The following ADAT1 variants were observed in gnomAD, a reference collection of about 807,000 sequenced individuals.
The protein encoded by ADAT1 is tRNA-specific adenosine deaminase 1.
Under a neutral mutation model 58.6 loss-of-function variants are expected in ADAT1, and 58 were observed. The observed-to-expected ratio is 0.99, with a 90% CI of 0.80 to 1.23. The LOEUF is 1.23. Ranked by LOEUF, ADAT1 falls within the 50% of genes most tolerant of loss-of-function variation. The pLI is 0.00. For synonymous variants in ADAT1, 254 were observed against 220.8 expected (o/e 1.15, Z -1.33); for missense variants, 741 against 608.6 (o/e 1.22, Z -2.29).
At position 75,612,850 on chromosome 16, in the gene ADAT1, AG is replaced by A; in HGVS notation, c.435del (p.Ser146ProfsTer26). The A allele has an allele frequency of 6.2e-7, 1 of 1,613,598 alleles. No homozygotes were observed. Among genetic ancestry groups the A allele is most frequent in the Non-Finnish European group, 8.5e-7 (1 of 1,179,780 alleles). On this transcript the variant is annotated frameshift_variant, in exon 6 of 10. Transcript: ENST00000564657. LOFTEE classifies it high-confidence loss of function. ...FFSSHTPCGD[A>X]SIIPMLEFED... is the part of the protein sequence containing the mutation. ...TCAAACTCAAGCATCGGAATGATGG[AG>A]GCATCCCCACCTGCAGAGAATGAAC... is the stretch of plus-strand genomic sequence containing the variant.
At chr16:75,617,693 TCCAC>T (rs2081779727) in intron 4 of ADAT1, among the ~76,000 whole-genome samples, 1 of 151,624 alleles carries the variant, frequency 6.6e-6, no homozygotes, top group Non-Finnish European at 1.5e-5. Flanking sequence ...TTTCTGAGGT[TCCAC>T]CCTAGATATG....
rs548669804 is a variant in ADAT1, at chr16:75,619,325, C to G, written c.239-685G>C. Among the ~76,000 whole-genome samples the G allele has an allele frequency of 2.6e-5, 4 of 152,096 alleles. No homozygotes were observed. In the East Asian group the frequency reaches 7.7e-4, roughly 29 times the overall value. Reference sequence around the variant, plus strand: ...ATAGCTTGAGGCTGGGAGTTTGAGACCAGCCTGGCTAACACAGTGAGACCA... The same window carrying G: ...ATAGCTTGAGGCTGGGAGTTTGAGAGCAGCCTGGCTAACACAGTGAGACCA... On this transcript the variant is annotated intron_variant, in intron 3 of 9. Transcript: ENST00000564657.
intron 4 of ADAT1, 119 bp from the exon 5 acceptor site, chr16:75,617,391 G>C: frequency 9.4e-7 from 1 of 1,064,350 alleles, no homozygotes; most frequent in Non-Finnish European, 1.4e-6. Flanking sequence ...TAGTGATGGG[G>C]AATTATGAGA....
In ADAT1 at chr16:75,620,307, G is replaced by C; in HGVS notation, c.197C>G (p.Thr66Arg). 1 of 1,614,136 alleles carries C rather than the reference G, an allele frequency of 6.2e-7. No individual in the cohort carries two copies. Among genetic ancestry groups the C allele is most frequent in the South Asian group, 1.1e-5 (1 of 91,080 alleles). The change falls in exon 3 of 10, where the codon ACA (threonine) becomes AGA (arginine). Residue 66 changes from threonine to arginine, a missense_variant. Physicochemically the swap from Thr to Arg is moderately conservative, Grantham distance 71. Coordinates refer to ENST00000564657, the MANE Select transcript of ADAT1 (RefSeq NM_001324445.2). ...GGACTGTCCTATGCATTTTGTTCCT[G>C]TTCCCATTGACACAACTTCCTTTGT... ...QVTKEVVSMGTGTKCIGQSKM... is the reference protein window; with the variant it reads ...QVTKEVVSMGRGTKCIGQSKM...
chr16:75,602,344 G>A (rs373708774), intron 9 of ADAT1, among the ~76,000 whole-genome samples: 1 of 152,212 alleles, frequency 6.6e-6, no homozygotes, highest in Non-Finnish European at 1.5e-5. Flanking sequence ...CTGCCTTTGC[G>A]ACCCTCCCAT....
rs758529356 is a variant in ADAT1 at position 75,598,852 on chromosome 16, G to T, written c.*1364C>A. On this transcript the variant is annotated 3_prime_UTR_variant, in exon 10 of 10. Coordinates refer to ENST00000564657, the MANE Select transcript of ADAT1 (RefSeq NM_001324445.2). ...TTTAAAATGTATACTTTAGTTGGGT[G>T]AATTTTATGGTCTGTGAATTATATC... is the stretch of plus-strand genomic sequence containing the variant. 12 of 971,246 alleles carry T rather than the reference G, an allele frequency of 1.2e-5. No individual in the cohort carries two copies. Among genetic ancestry groups the T allele is most frequent in the Non-Finnish European group, 1.3e-5 (11 of 817,390 alleles). The allele number at this position is 971,246 out of a possible 1,614,324, so 60.2% of individuals were successfully genotyped here.
intron 3 of ADAT1, among the ~76,000 whole-genome samples, chr16:75,619,081 T>C (rs2081843364): frequency 6.6e-6 from 1 of 152,192 alleles, no homozygotes; most frequent in African/African-American, 2.4e-5. Flanking sequence ...TGTACAGAAG[T>C]ATCCTACTTG....
At chr16:75,615,235 C>A (rs374871603) in intron 5 of ADAT1, among the ~76,000 whole-genome samples, 65 of 151,198 alleles carry the variant, frequency 4.3e-4, no homozygotes, top group African/African-American at 1.4e-3. Flanking sequence ...CTCTCATTTC[C>A]TTTAAAGTGA....
At chr16:75,618,686 G>A (rs772900926) in intron 3 of ADAT1, 46 bp from the exon 4 acceptor site, 17 of 1,607,240 alleles carry the variant, frequency 1.1e-5, no homozygotes, top group Non-Finnish European at 1.4e-5. Context: ...GGAAGCTGGA[G>A]AGGGTCTGGT....
chr16:75,597,785 A>G lies in ADAT1; in HGVS notation c.*2431T>C, dbSNP rs1046585690. Among the ~76,000 whole-genome samples the G allele has an allele frequency of 2.6e-5, 4 of 152,208 alleles. No individual in the cohort carries two copies. Among genetic ancestry groups the G allele is most frequent in the Non-Finnish European group, 5.9e-5 (4 of 68,040 alleles). Reference sequence around the variant, plus strand: ...CCTAGATCCCTTGCATGCACAGTTCACAATAGGATTCACGCTCCTATGAGA... The same window carrying G: ...CCTAGATCCCTTGCATGCACAGTTCGCAATAGGATTCACGCTCCTATGAGA... On this transcript the variant is annotated 3_prime_UTR_variant, in exon 10 of 10. Transcript: ENST00000564657.
chr16:75,612,923 A>T, intron 5 of ADAT1, 62 bp from the exon 6 acceptor site: 1 of 1,547,998 alleles, frequency 6.5e-7, no homozygotes, highest in Non-Finnish European at 8.7e-7. Context: ...ACCAGCCACA[A>T]TGGGATCTCT....
At chr16:75,601,041 T>A (rs2081215976) in intron 9 of ADAT1, among the ~76,000 whole-genome samples, 1 of 152,152 alleles carries the variant, frequency 6.6e-6, no homozygotes, top group Admixed American at 6.5e-5. Context: ...TCTACTTTTT[T>A]GGTTTAAAAG....
Position 75,608,214 on chromosome 16 carries a change from T to A in ADAT1, c.1289+10A>T, listed in dbSNP as rs190708095. The A allele has an allele frequency of 1.5e-5, 24 of 1,612,258 alleles. No homozygotes were observed. The East Asian group carries it at 4.9e-4, about 33-fold the overall frequency. On this transcript the variant is annotated intron_variant, in intron 8 of 9. Coordinates refer to ENST00000564657, the MANE Select transcript of ADAT1 (RefSeq NM_001324445.2). Reference sequence around the variant, plus strand: ...CAGCCACCATCTCCTCCTGCCCCAATATGCTGTACCTTGCCTGAAGGCTTC... The same window carrying A: ...CAGCCACCATCTCCTCCTGCCCCAAAATGCTGTACCTTGCCTGAAGGCTTC...
intron 9 of ADAT1, among the ~76,000 whole-genome samples, chr16:75,600,951 C>T (rs2081212639): frequency 6.6e-6 from 1 of 152,174 alleles, no homozygotes; most frequent in African/African-American, 2.4e-5. Context: ...GAGAAAGCAA[C>T]ATGAATTAAA....
chr16:75,610,578 T>A (rs2081501755), intron 6 of ADAT1, among the ~76,000 whole-genome samples: 1 of 152,230 alleles, frequency 6.6e-6, no homozygotes, highest in African/African-American at 2.4e-5. Flanking sequence ...ATTACAGGCA[T>A]GAGCTACTGT....
intron 3 of ADAT1, among the ~76,000 whole-genome samples, chr16:75,618,859 G>T (rs1160240220): frequency 6.6e-6 from 1 of 152,018 alleles, no homozygotes; most frequent in Non-Finnish European, 1.5e-5. Context: ...TTTTTGTTGT[G>T]GGGGATCTAT....
chr16:75,620,420 G>A, intron 2 of ADAT1, 86 bp from the exon 3 acceptor site: 7 of 1,509,434 alleles, frequency 4.6e-6, no homozygotes, highest in Non-Finnish European at 6.4e-6. Flanking sequence ...CACTCCTCTA[G>A]GGGATTCCCA....
intron 3 of ADAT1, among the ~76,000 whole-genome samples, chr16:75,619,058 G>A (rs554818726): frequency 1.4e-4 from 21 of 152,260 alleles, no homozygotes; most frequent in African/African-American, 4.8e-4. Flanking sequence ...GGAGAACAAA[G>A]GTCTAGATCT....
chr16:75,598,950 C>T lies in ADAT1; in HGVS notation c.*1266G>A, dbSNP rs2081147234. 1.0e-5 allele frequency: 10 copies of T among 985,306 alleles called. No homozygotes were observed. The highest frequency in any genetic ancestry group is 1.2e-5 in the Non-Finnish European group (10 of 829,924). 61.0% of individuals were successfully genotyped at this position (985,306 alleles called of 1,614,324 possible). A position where few individuals can be genotyped will look rare whatever the true frequency, so the allele number is the denominator to read the frequency against. On this transcript the variant is annotated 3_prime_UTR_variant, in exon 10 of 10. Coordinates refer to ENST00000564657, the MANE Select transcript of ADAT1 (RefSeq NM_001324445.2). The stretch of plus-strand genomic sequence containing the variant: ...GAACCAATAAGGACCTTGAGTAACC[C>T]CAACATGGGAGCTTCCATTTTCAGT...
Sources: gnomAD v4.1 joint callset for allele counts (sites outside exome capture counted in the v4.1 genomes callset) on GRCh38, gnomAD v4.1.1 for gene constraint, MANE v1.5 for transcripts, NCBI Gene and HGNC (gene_info 2026-07-23, HGNC 2026-07-21) for gene names.